The following CACNG2 variants were observed in gnomAD, a reference collection of about 807,000 sequenced individuals.
CACNG2 encodes the protein voltage-dependent calcium channel gamma-2 subunit.
CACNG2 carries 3 observed loss-of-function variants against 25.9 expected under a neutral mutation model. The ratio of observed to expected loss-of-function variants is 0.12; its 90% CI spans 0.05 to 0.30. CACNG2 has a LOEUF of 0.30. Among genes scored for constraint, CACNG2 ranks in the 10% least tolerant of loss-of-function variants. The pLI, the probability that CACNG2 is intolerant of heterozygous loss-of-function variation, is 1.00. For missense variants in CACNG2, 341 were observed against 432.5 expected (o/e 0.79, Z 1.88); for synonymous variants, 167 against 173.3 (o/e 0.96, Z 0.29).
intron 2 of CACNG2, among the ~76,000 whole-genome samples, chr22:36,580,031 G>A (rs574466989): frequency 6.6e-6 from 1 of 152,260 alleles, no homozygotes; most frequent in Non-Finnish European, 1.5e-5. Flanking sequence ...AACACGGATT[G>A]TGGCGAATGC....
chr22:36,638,305 A>C (rs1473652596), intron 1 of CACNG2, among the ~76,000 whole-genome samples: 1 of 152,112 alleles, frequency 6.6e-6, no homozygotes, highest in Non-Finnish European at 1.5e-5. Context: ...TCCCTGCTTC[A>C]CACCCTTCAG....
intron 1 of CACNG2, among the ~76,000 whole-genome samples, chr22:36,627,388 T>C (rs1936200526): frequency 6.6e-6 from 1 of 151,700 alleles, no homozygotes; most frequent in Non-Finnish European, 1.5e-5. Context: ...GGTTTCAAAA[T>C]GAAAATAGCA....
At chr22:36,660,479 T>C (rs1936775946) in intron 1 of CACNG2, among the ~76,000 whole-genome samples, 1 of 152,242 alleles carries the variant, frequency 6.6e-6, no homozygotes, top group South Asian at 2.1e-4. Flanking sequence ...CTCTCTGTCT[T>C]GGAAAATCAC....
intron 1 of CACNG2, 60 bp downstream of exon 1, chr22:36,702,306 G>A (rs1004236197): frequency 2.9e-6 from 3 of 1,030,010 alleles, no homozygotes; most frequent in Admixed American, 4.0e-5. Flanking sequence ...AGGGTGGGGA[G>A]GGGGGAGTGA....
intron 1 of CACNG2, among the ~76,000 whole-genome samples, chr22:36,649,654 G>A (rs1569040405): frequency 6.6e-6 from 1 of 152,158 alleles, no homozygotes; most frequent in African/African-American, 2.4e-5. Context: ...TTGAATTGTA[G>A]CTCCCATCAT....
chr22:36,627,298 G>GTT (rs1411543092), intron 1 of CACNG2, among the ~76,000 whole-genome samples: 1 of 151,446 alleles, frequency 6.6e-6, no homozygotes, highest in Non-Finnish European at 1.5e-5. Context: ...GTGTGTGTGT[G>GTT]TGTGTGTGTG....
chr22:36,571,886 A>AC (rs200761156), intron 2 of CACNG2, among the ~76,000 whole-genome samples: 3 of 149,164 alleles, frequency 2.0e-5, no homozygotes, highest in Non-Finnish European at 3.0e-5. Context: ...CAAAAACAAA[A>AC]AAAAAAAAAA....
At chr22:36,668,861 G>A (rs1268224710) in intron 1 of CACNG2, among the ~76,000 whole-genome samples, 2 of 152,098 alleles carry the variant, frequency 1.3e-5, no homozygotes, top group Admixed American at 6.5e-5. Flanking sequence ...ATGTCAGAGG[G>A]CAGGAGAAGA....
At position 36,653,427 on chromosome 22, in the gene CACNG2, C is replaced by T. The variant is rs182392141; in HGVS notation, c.211+48939G>A. On this transcript the variant is annotated intron_variant, in intron 1 of 3. Transcript: ENST00000300105. Reference sequence around the variant, plus strand: ...ATTTGGCTTCCTTTGAAAAACTGGACGATTTAGCGACCTTAGTTCTGCAGT... The same window carrying T: ...ATTTGGCTTCCTTTGAAAAACTGGATGATTTAGCGACCTTAGTTCTGCAGT... Among the ~76,000 whole-genome samples the T allele has an allele frequency of 3.9e-5, 5 of 126,866 alleles. No homozygotes were observed. In the East Asian group the frequency reaches 9.7e-4, roughly 24 times the overall value. 83.2% of individuals were successfully genotyped at this position (126,866 alleles called of 152,430 possible).
chr22:36,584,625 T>C (rs890205170), intron 2 of CACNG2: 4 of 152,164 alleles, frequency 2.6e-5, no homozygotes, highest in African/African-American at 7.2e-5. Flanking sequence ...TTAGTAAATA[T>C]CTCTCGAGTG....
intron 1 of CACNG2, among the ~76,000 whole-genome samples, chr22:36,679,770 C>A (rs1035021642): frequency 6.6e-5 from 10 of 152,132 alleles, no homozygotes; most frequent in African/African-American, 2.4e-4. Flanking sequence ...GTGACACTCA[C>A]GGTGGAACTT....
intron 1 of CACNG2, among the ~76,000 whole-genome samples, chr22:36,665,730 C>CA (rs1203781591): frequency 2.0e-5 from 3 of 152,140 alleles, no homozygotes; most frequent in Non-Finnish European, 4.4e-5. Flanking sequence ...ACAACAACAA[C>CA]AAAAAACAAG....
chr22:36,637,606 G>A (rs2145963584), intron 1 of CACNG2, among the ~76,000 whole-genome samples: 1 of 152,298 alleles, frequency 6.6e-6, no homozygotes, highest in Non-Finnish European at 1.5e-5. Context: ...CTCATTCAAT[G>A]ACAATCGTCC....
chr22:36,663,624 G>A (rs997181565), intron 1 of CACNG2, among the ~76,000 whole-genome samples: 6 of 152,098 alleles, frequency 3.9e-5, no homozygotes, highest in South Asian at 2.1e-4. Context: ...TTAATGCGTC[G>A]CGAGGGGGCC....
chr22:36,678,357 T>C (rs1366519383), intron 1 of CACNG2, among the ~76,000 whole-genome samples: 2 of 152,264 alleles, frequency 1.3e-5, no homozygotes, highest in African/African-American at 2.4e-5. Flanking sequence ...GGCCAGAACC[T>C]AGTAGCTCAA....
rs1187037121 is a variant in CACNG2 at position 36,562,003 on chromosome 22, G to C, written c.*2348C>G. ...ACACTGGGGAAGCCCTGGTGGCAGA[G>C]CTCTTCTCCCAAGGAAGCCTCTTTA... On this transcript the variant is annotated 3_prime_UTR_variant, in exon 4 of 4. Coordinates refer to ENST00000300105, the MANE Select transcript of CACNG2 (RefSeq NM_006078.5). The C allele has an allele frequency of 6.6e-6, 1 of 152,278 alleles. No individual in the cohort carries two copies. 9.4% of individuals were successfully genotyped at this position (152,278 alleles called of 1,614,324 possible).
intron 1 of CACNG2, among the ~76,000 whole-genome samples, chr22:36,605,060 C>G (rs1169843810): frequency 6.6e-6 from 1 of 152,172 alleles, no homozygotes; most frequent in African/African-American, 2.4e-5. Context: ...CAGGTGTAAG[C>G]CACTGCCCTT....
chr22:36,684,308 G>A (rs1433160179), intron 1 of CACNG2, among the ~76,000 whole-genome samples: 1 of 152,074 alleles, frequency 6.6e-6, no homozygotes, highest in East Asian at 1.9e-4. Context: ...TTTAAACAGG[G>A]GATCGATTTA....
chr22:36,700,273 A>T (rs1208556413), intron 1 of CACNG2, among the ~76,000 whole-genome samples: 2 of 152,268 alleles, frequency 1.3e-5, no homozygotes, highest in East Asian at 1.9e-4. Flanking sequence ...CATCAAACAG[A>T]TGGAATTTTA....
Sources: gnomAD v4.1 joint callset for allele counts (sites outside exome capture counted in the v4.1 genomes callset) on GRCh38, gnomAD v4.1.1 for gene constraint, MANE v1.5 for transcripts, NCBI Gene and HGNC (gene_info 2026-07-23, HGNC 2026-07-21) for gene names.